PKHD1L1: variants seen among roughly 807,000 people sequenced by gnomAD.
The protein encoded by PKHD1L1 is PKHD1 like 1.
A neutral mutation model predicts 462.9 loss-of-function variants in PKHD1L1; 434 were observed. That is an observed-to-expected ratio of 0.94 (90% confidence interval 0.87 to 1.02). The LOEUF (loss-of-function observed/expected upper bound fraction) is 1.02. Ranked by LOEUF, PKHD1L1 falls within the 50% of genes least tolerant of loss-of-function variation. PKHD1L1 has a pLI of 0.00. For missense variants in PKHD1L1, 5,202 were observed against 5,096.1 expected, an observed-to-expected ratio of 1.02 and a Z score of -0.63; for synonymous variants, 1,781 against 1,750.0, an observed-to-expected ratio of 1.02 and a Z score of -0.44.
chr8:109,426,135 C>G (rs1029125634), intron 24 of PKHD1L1, among the ~76,000 whole-genome samples: 14 of 152,038 alleles, frequency 9.2e-5, no homozygotes, highest in Non-Finnish European at 1.9e-4. Context: ...TTTGTCACTG[C>G]TTTATCCACT....
chr8:109,511,841 A>T lies in PKHD1L1; in HGVS notation c.11553+907A>T, dbSNP rs373130251. 6.2e-3 allele frequency among the ~76,000 whole-genome samples: 936 copies of T among 151,358 alleles called. 9 individuals are homozygous for T. Among genetic ancestry groups the T allele is most frequent in the Non-Finnish European group, 9.3e-3 (628 of 67,570 alleles). ...GTAAAAGTGTTCCTATTTCTCCACA[A>T]CCTCTCCAGCACCTACTGTTTCCTG... is the stretch of plus-strand genomic sequence containing the variant. On this transcript the variant is annotated intron_variant, in intron 71 of 77. Coordinates refer to ENST00000378402, the MANE Select transcript of PKHD1L1 (RefSeq NM_177531.6).
At chr8:109,364,885 A>G (rs1243886861) in intron 2 of PKHD1L1, among the ~76,000 whole-genome samples, 2 of 152,186 alleles carry the variant, frequency 1.3e-5, no homozygotes, top group South Asian at 2.1e-4. Context: ...TGACTGAACT[A>G]AAAGGAATGC....
At chr8:109,451,463 A>G (rs2130785895) in intron 41 of PKHD1L1, among the ~76,000 whole-genome samples, 1 of 152,308 alleles carries the variant, frequency 6.6e-6, no homozygotes, top group South Asian at 2.1e-4. Context: ...CATCACAAAT[A>G]TAAATCACCT....
At position 109,438,280 on chromosome 8, in the gene PKHD1L1, A is replaced by T. The variant is rs1452118295; in HGVS notation, c.3628-44A>T. ...TTCTTTTCATCCCTTGCATTTCTGT[A>T]TCTCAACAATTAATATTTTCTAATT... On this transcript the variant is annotated intron_variant, in intron 30 of 77. Coordinates refer to ENST00000378402, the MANE Select transcript of PKHD1L1 (RefSeq NM_177531.6). 2.2e-6 allele frequency: 3 copies of T among 1,340,874 alleles called. No homozygotes were observed. The East Asian group carries it at 7.9e-5, about 35-fold the overall frequency. 83.1% of individuals were successfully genotyped at this position (1,340,874 alleles called of 1,614,324 possible).
At chr8:109,415,950 A>G (rs1277358103) in intron 21 of PKHD1L1, among the ~76,000 whole-genome samples, 1 of 151,266 alleles carries the variant, frequency 6.6e-6, no homozygotes, top group Admixed American at 6.6e-5. Context: ...CATCAACATC[A>G]TATTTGAAGT....
chr8:109,498,872 G>T, intron 67 of PKHD1L1, 101 bp downstream of exon 67: 2 of 1,067,752 alleles, frequency 1.9e-6, no homozygotes, highest in South Asian at 1.7e-5. Flanking sequence ...TGATTTAAGT[G>T]AATTTTTATA....
chr8:109,461,744 T>TTA (rs71305952), intron 47 of PKHD1L1, 28 bp from the exon 48 acceptor site: 118 of 1,590,396 alleles, frequency 7.4e-5, no homozygotes, highest in Non-Finnish European at 9.8e-5. Flanking sequence ...ACAATTTTTT[T>TTA]AATGATGCTT....
rs1372592343 is a variant in PKHD1L1 at position 109,443,790 on chromosome 8, T to G, written c.4679T>G (p.Val1560Gly). 2.5e-6 allele frequency: 4 copies of G among 1,613,612 alleles called. No homozygotes were observed. In the African/African-American group the frequency reaches 5.3e-5, roughly 22 times the overall value. Reference protein sequence around the residue: ...VKNSKRLLFEVSSCFSPSISN... With the variant: ...VKNSKRLLFEGSSCFSPSISN... The stretch of plus-strand genomic sequence containing the variant: ...AATTCAAAAAGATTGCTATTTGAGG[T>G]TTCAAGTTGTTTTTCACCATCTATA... The change falls in exon 37 of 78, where the codon GTT becomes GGT. Residue 1560 changes from valine to glycine, a missense_variant. Physicochemically the swap from Val to Gly is moderately radical, Grantham distance 109. Transcript: ENST00000378402.
Position 109,532,534 on chromosome 8 carries a change from G to A in PKHD1L1, c.*2444G>A, listed in dbSNP as rs2131066572. 6.6e-6 allele frequency among the ~76,000 whole-genome samples: 1 copy of A among 152,024 alleles called. No individual in the cohort carries two copies. Among genetic ancestry groups the A allele is most frequent in the East Asian group, 1.9e-4 (1 of 5,172 alleles). ...TAAATTCTTAAAAATAATTTGTATT[G>A]TAAGAAGTGGCTATCTAGCTCTTGA... is the stretch of plus-strand genomic sequence containing the variant. On this transcript the variant is annotated 3_prime_UTR_variant, in exon 78 of 78. Coordinates refer to ENST00000378402, the MANE Select transcript of PKHD1L1 (RefSeq NM_177531.6).
At chr8:109,521,355 T>C (rs1820542598) in intron 73 of PKHD1L1, among the ~76,000 whole-genome samples, 1 of 152,162 alleles carries the variant, frequency 6.6e-6, no homozygotes, top group African/African-American at 2.4e-5. Context: ...CAAAACATTA[T>C]CCTGGTTTAC....
At chr8:109,382,782 TATTAA>T (rs1786910003) in intron 4 of PKHD1L1, among the ~76,000 whole-genome samples, 1 of 151,924 alleles carries the variant, frequency 6.6e-6, no homozygotes, top group African/African-American at 2.4e-5. Flanking sequence ...TTAATTTTAC[TATTAA>T]ATTAAACTTT....
chr8:109,404,542 T>C lies in PKHD1L1; in HGVS notation c.1374-12T>C. On this transcript the variant is annotated splice_polypyrimidine_tract_variant and intron_variant, in intron 14 of 77. Transcript: ENST00000378402. Reference sequence around the variant, plus strand: ...GAAAAAAGTTATATTCATTAGTTACTCTATTTTCCAGATACTATATTGAAA... The same window carrying C: ...GAAAAAAGTTATATTCATTAGTTACCCTATTTTCCAGATACTATATTGAAA... 2 of 1,478,674 alleles carry C rather than the reference T, an allele frequency of 1.4e-6. No individual in the cohort carries two copies. Among genetic ancestry groups the C allele is most frequent in the Non-Finnish European group, 1.8e-6 (2 of 1,103,676 alleles). 91.6% of individuals were successfully genotyped at this position (1,478,674 alleles called of 1,614,324 possible).
intron 56 of PKHD1L1, among the ~76,000 whole-genome samples, chr8:109,482,634 CTT>C (rs1353675299): frequency 2.0e-5 from 3 of 149,588 alleles, no homozygotes. Flanking sequence ...AGATAAAACT[CTT>C]TTTTATAGCC....
At chr8:109,454,680 G>T (rs1191635029) in intron 44 of PKHD1L1, 43 bp from the exon 45 acceptor site, 2 of 1,602,084 alleles carry the variant, frequency 1.2e-6, no homozygotes, top group African/African-American at 1.3e-5. Flanking sequence ...TTGTGGATTT[G>T]GGGTTTTAAT....
chr8:109,374,547 C>T (rs12546039), intron 2 of PKHD1L1, among the ~76,000 whole-genome samples: 45,151 of 152,014 alleles, frequency 0.3, 7,283 homozygotes, highest in Admixed American at 0.43. Context: ...GTCATTATGA[C>T]GTTAGCTGGT....
At chr8:109,393,700 A>G (rs565301311) in intron 9 of PKHD1L1, among the ~76,000 whole-genome samples, 10 of 152,128 alleles carry the variant, frequency 6.6e-5, no homozygotes, top group Non-Finnish European at 1.2e-4. Flanking sequence ...AAATTTATCT[A>G]CCTCATGTGG....
intron 45 of PKHD1L1, among the ~76,000 whole-genome samples, chr8:109,455,888 G>A (rs796481159): frequency 6.6e-6 from 1 of 151,894 alleles, no homozygotes; most frequent in Non-Finnish European, 1.5e-5. Context: ...ATCTACATTT[G>A]ACTCTAGATT....
chr8:109,450,808 T>G (rs916504204), intron 40 of PKHD1L1, among the ~76,000 whole-genome samples, 167 bp from the exon 41 acceptor site: 2 of 152,206 alleles, frequency 1.3e-5, no homozygotes, highest in Non-Finnish European at 2.9e-5. Context: ...TTTGTAATGT[T>G]TTTGGCTATT....
At chr8:109,425,542 A>G (rs2130667535) in intron 24 of PKHD1L1, among the ~76,000 whole-genome samples, 1 of 152,168 alleles carries the variant, frequency 6.6e-6, no homozygotes, top group Non-Finnish European at 1.5e-5. Context: ...TCCCTTAAAA[A>G]TAATATTTTT....
Sources: gnomAD v4.1 joint callset for allele counts (sites outside exome capture counted in the v4.1 genomes callset) on GRCh38, gnomAD v4.1.1 for gene constraint, MANE v1.5 for transcripts, NCBI Gene and HGNC (gene_info 2026-07-23, HGNC 2026-07-21) for gene names.